The following XIRP2 variants were observed in gnomAD, a reference collection of about 807,000 sequenced individuals.
The protein encoded by XIRP2 is xin actin-binding repeat-containing protein 2.
A neutral mutation model predicts 277.0 loss-of-function variants in XIRP2; 236 were observed. The observed-to-expected ratio is 0.85, with a 90% CI of 0.77 to 0.95. The LOEUF (loss-of-function observed/expected upper bound fraction) is 0.95, where lower values mean the gene tolerates loss of function less well. Ranked by LOEUF, XIRP2 falls within the 40% of genes least tolerant of loss-of-function variation. The pLI, the probability that XIRP2 is intolerant of heterozygous loss-of-function variation, is 0.00. For synonymous variants in XIRP2, 1,490 were observed against 1,416.5 expected, an observed-to-expected ratio of 1.05 and a Z score of -1.17; for missense variants, 4,640 against 4,157.5, an observed-to-expected ratio of 1.12 and a Z score of -3.19.
intron 4 of XIRP2, among the ~76,000 whole-genome samples, chr2:167,217,022 C>G (rs1035056430): frequency 7.0e-6 from 1 of 143,508 alleles, no homozygotes; most frequent in African/African-American, 2.8e-5. Flanking sequence ...TCTCAGTAAA[C>G]TATCACAAGA....
intron 2 of XIRP2, among the ~76,000 whole-genome samples, chr2:167,132,107 C>G (rs1691394253): frequency 6.6e-6 from 1 of 152,054 alleles, no homozygotes; most frequent in South Asian, 2.1e-4. Context: ...ACTTGGTTCA[C>G]TTCTGGCCAT....
chr2:167,058,116 G>A (rs187909997), intron 2 of XIRP2, among the ~76,000 whole-genome samples: 90 of 150,506 alleles, frequency 6.0e-4, no homozygotes, highest in African/African-American at 1.9e-3. Flanking sequence ...AGGCTGGAGT[G>A]TAGTGGCATG....
intron 2 of XIRP2, among the ~76,000 whole-genome samples, chr2:167,013,107 C>G (rs73970214): frequency 0.1 from 15,579 of 151,182 alleles, 1,310 homozygotes; most frequent in East Asian, 0.37. Context: ...TATATCGTAG[C>G]TCTGATATAG....
intron 3 of XIRP2, among the ~76,000 whole-genome samples, chr2:167,177,698 C>G (rs1692887287): frequency 6.6e-6 from 1 of 152,120 alleles, no homozygotes. Context: ...CTACACTTAT[C>G]TATCAGATAT....
Position 167,007,697 on chromosome 2 carries a change from TCTCTCTCA to T in XIRP2, c.408+103809_408+103816del, listed in dbSNP as rs777574424. Among the ~76,000 whole-genome samples the T allele has an allele frequency of 7.8e-4, 94 of 120,920 alleles. No homozygotes were observed. In the Middle Eastern group the frequency reaches 0.025, roughly 33 times the overall value. The allele number at this position is 120,920 out of a possible 152,430, so 79.3% of individuals were successfully genotyped here. A position where few individuals can be genotyped will look rare whatever the true frequency, so the allele number is the denominator to read the frequency against. On this transcript the variant is annotated intron_variant, in intron 2 of 10. Coordinates refer to ENST00000409195, the MANE Select transcript of XIRP2 (RefSeq NM_152381.6). ...CATGTACACTCTCTCTCTCTCTCTC[TCTCTCTCA>T]CACACACACACACACACACACACAC...
At chr2:166,942,180 C>T (rs1045438150) in intron 2 of XIRP2, among the ~76,000 whole-genome samples, 5 of 152,148 alleles carry the variant, frequency 3.3e-5, no homozygotes, top group African/African-American at 1.2e-4. Flanking sequence ...TTGCCATAGG[C>T]CCATGGAGGC....
intron 2 of XIRP2, among the ~76,000 whole-genome samples, chr2:167,053,930 G>A (rs927875616): frequency 5.3e-5 from 8 of 152,158 alleles, no homozygotes; most frequent in African/African-American, 7.2e-5. Flanking sequence ...ACATTTTGAA[G>A]AGTTCCCTGA....
intron 2 of XIRP2, among the ~76,000 whole-genome samples, chr2:166,917,655 T>C (rs1355774498): frequency 6.6e-6 from 1 of 151,934 alleles, no homozygotes; most frequent in Non-Finnish European, 1.5e-5. Context: ...CATACAAGGA[T>C]GTTAAGCAAT....
chr2:167,009,945 A>T (rs2105468258), intron 2 of XIRP2, among the ~76,000 whole-genome samples: 2 of 151,952 alleles, frequency 1.3e-5, no homozygotes, highest in South Asian at 4.1e-4. Context: ...GTTTGAGTTC[A>T]TTATAGATTC....
intron 2 of XIRP2, among the ~76,000 whole-genome samples, chr2:167,077,879 C>T (rs149954557): frequency 9.1e-4 from 138 of 152,206 alleles, no homozygotes; most frequent in Non-Finnish European, 1.4e-3. Flanking sequence ...AGACTATTGG[C>T]GTATAGTATA....
chr2:167,035,639 C>T (rs115418173), intron 2 of XIRP2, among the ~76,000 whole-genome samples: 1 of 152,230 alleles, frequency 6.6e-6, no homozygotes, highest in East Asian at 1.9e-4. Context: ...CATGGGCAGC[C>T]TGACAATGTG....
chr2:167,146,515 G>T (rs1299042141), intron 3 of XIRP2, among the ~76,000 whole-genome samples: 1 of 148,754 alleles, frequency 6.7e-6, no homozygotes, highest in African/African-American at 2.5e-5. Flanking sequence ...AAAAAAGAAA[G>T]AAAGAAAGAA....
At chr2:167,129,092 T>C (rs1327570822) in intron 2 of XIRP2, among the ~76,000 whole-genome samples, 1 of 152,104 alleles carries the variant, frequency 6.6e-6, no homozygotes, top group Admixed American at 6.6e-5. Context: ...AAAATAAAAG[T>C]TCAAAGACCA....
At chr2:167,171,053 C>T (rs145190985) in intron 3 of XIRP2, among the ~76,000 whole-genome samples, 6,029 of 151,952 alleles carry the variant, frequency 0.04, 129 homozygotes, top group Non-Finnish European at 0.051. Flanking sequence ...GTGCACACCA[C>T]CATACCCAGC....
In XIRP2 at chr2:167,258,881, G is replaced by T. The variant is rs772707584; in HGVS notation, c.*1064G>T. 6.2e-7 allele frequency: 1 copy of T among 1,613,190 alleles called. No homozygotes were observed. The highest frequency in any genetic ancestry group is 1.7e-5 in the Admixed American group (1 of 59,830). ...TTATTCGAGGAATGTACTAGCAATG[G>T]CTCTGAAGAAACAGACTGACAGAGC... On this transcript the variant is annotated 3_prime_UTR_variant, in exon 11 of 11. Transcript: ENST00000409195.
At chr2:167,160,145 A>C (rs1692318532) in intron 3 of XIRP2, among the ~76,000 whole-genome samples, 1 of 152,222 alleles carries the variant, frequency 6.6e-6, no homozygotes, top group African/African-American at 2.4e-5. Flanking sequence ...TCTGATAAGA[A>C]ATAACTATGT....
intron 1 of XIRP2, among the ~76,000 whole-genome samples, chr2:166,893,579 G>A (rs115141548): frequency 0.014 from 2,094 of 152,148 alleles, 47 homozygotes; most frequent in African/African-American, 0.045. Flanking sequence ...TCACTTTGAA[G>A]CATTTCCTTT....
chr2:166,925,195 G>A (rs977692439), intron 2 of XIRP2, among the ~76,000 whole-genome samples: 2 of 151,972 alleles, frequency 1.3e-5, no homozygotes, highest in Non-Finnish European at 2.9e-5. Context: ...AAACATCTTA[G>A]GGAGGTCTAA....
At chr2:166,999,132 A>G (rs1558942100) in intron 2 of XIRP2, among the ~76,000 whole-genome samples, 1 of 152,130 alleles carries the variant, frequency 6.6e-6, no homozygotes, top group Non-Finnish European at 1.5e-5. Flanking sequence ...ACATAAAAAT[A>G]TTTGCTTAGG....
Sources: allele counts gnomAD v4.1 joint callset (sites outside exome capture counted in the v4.1 genomes callset), GRCh38; gene constraint gnomAD v4.1.1; transcripts MANE v1.5; gene names NCBI Gene and HGNC (gene_info 2026-07-23, HGNC 2026-07-21).